NOL4L: variants seen among roughly 807,000 people sequenced by gnomAD.
The protein encoded by NOL4L is nucleolar protein 4 like.
NOL4L carries 7 observed loss-of-function variants against 64.5 expected under a neutral mutation model. The ratio of observed to expected loss-of-function variants is 0.11; its 90% CI spans 0.06 to 0.20. The LOEUF (loss-of-function observed/expected upper bound fraction) is 0.20, where lower values mean the gene tolerates loss of function less well. Ranked by LOEUF, NOL4L falls within the 10% of genes least tolerant of loss-of-function variation. The probability of loss-of-function intolerance (pLI) is 1.00; values close to 1 mark genes in which losing one functional copy is unlikely to be tolerated. For synonymous variants in NOL4L, 413 were observed against 401.0 expected (o/e 1.03, Z -0.36); for missense variants, 680 against 967.1 (o/e 0.70, Z 3.94).
chr20:32,524,100 G>A (rs2018042625), intron 2 of NOL4L, among the ~76,000 whole-genome samples: 1 of 152,192 alleles, frequency 6.6e-6, no homozygotes, highest in Non-Finnish European at 1.5e-5. Flanking sequence ...CCCTGGGAGG[G>A]AAAAAGGAAG....
At chr20:32,476,198 G>GACACACACACACACACACACACAC (rs1167969757) in intron 4 of NOL4L, among the ~76,000 whole-genome samples, 9 of 140,978 alleles carry the variant, frequency 6.4e-5, no homozygotes, top group Non-Finnish European at 1.4e-4. Flanking sequence ...CACCCGGAGG[G>GACACACACACACACACACACACAC]ACACACACAC....
In NOL4L at chr20:32,464,797, CTTTA is replaced by C. The variant is rs938358530; in HGVS notation, c.842-8406_842-8403del. The C allele has an allele frequency of 2.8e-5, 11 of 397,758 alleles. No homozygotes were observed. Among genetic ancestry groups the C allele is most frequent in the Non-Finnish European group, 4.5e-5 (10 of 224,666 alleles). The allele number at this position is 397,758 out of a possible 1,614,324, so 24.6% of individuals were successfully genotyped here. Reference sequence around the variant, plus strand: ...AGGTGAAATCAATTTTAATAATCTACTTTATTTAACCCAATATATCCAAAATAGT... The same window carrying C: ...AGGTGAAATCAATTTTAATAATCTACTTTAACCCAATATATCCAAAATAGT... On this transcript the variant is annotated intron_variant, in intron 5 of 10. Coordinates refer to ENST00000621426, the MANE Select transcript of NOL4L (RefSeq NM_001256798.2). This position sits in a 1 kb window ranked among gnomAD's most constrained non-coding sequence, Gnocchi z 5.6.
chr20:32,566,669 G>A (rs151218479), intron 1 of NOL4L, among the ~76,000 whole-genome samples: 2 of 152,050 alleles, frequency 1.3e-5, no homozygotes, highest in East Asian at 1.9e-4. Context: ...TTGCTCCTAC[G>A]GGGCTCTGCT....
chr20:32,479,063 A>G (rs931759825), intron 4 of NOL4L, among the ~76,000 whole-genome samples: 11 of 152,360 alleles, frequency 7.2e-5, no homozygotes, highest in African/African-American at 2.6e-4. Context: ...GGCGCAGCAC[A>G]GCCCAGTTCA....
intron 5 of NOL4L, among the ~76,000 whole-genome samples, chr20:32,458,888 C>G (rs1398432418): frequency 5.3e-5 from 8 of 152,372 alleles, no homozygotes; most frequent in African/African-American, 1.9e-4. Context: ...TGGACTTGCC[C>G]TCCGCCACTG....
At chr20:32,534,148 C>T (rs934232625) in intron 1 of NOL4L, among the ~76,000 whole-genome samples, 16 of 152,188 alleles carry the variant, frequency 1.1e-4, no homozygotes, top group Non-Finnish European at 1.9e-4. Flanking sequence ...CCAGCAACGA[C>T]GAGGCCATGG....
chr20:32,540,082 T>C (rs905345117), intron 1 of NOL4L, among the ~76,000 whole-genome samples: 1 of 152,200 alleles, frequency 6.6e-6, no homozygotes. Context: ...TGAACATTTT[T>C]TTCCATTTGC....
chr20:32,537,107 A>G (rs537168046), intron 1 of NOL4L: 226 of 984,924 alleles, frequency 2.3e-4, no homozygotes, highest in Admixed American at 8.0e-4. Flanking sequence ...GGGCGGTACC[A>G]TTCGATCTTG....
At chr20:32,551,378 AATCATCATCATCATCATC>A (rs58444321) in intron 1 of NOL4L, among the ~76,000 whole-genome samples, 1 of 149,540 alleles carries the variant, frequency 6.7e-6, no homozygotes, top group Non-Finnish European at 1.5e-5. Flanking sequence ...TCGGTCTCAA[AATCATCATCATCATCATC>A]ATCATCATCA....
chr20:32,513,227 G>T (rs2017488089), intron 3 of NOL4L, among the ~76,000 whole-genome samples: 1 of 152,162 alleles, frequency 6.6e-6, no homozygotes, highest in Admixed American at 6.5e-5. Flanking sequence ...GGGTGACAGG[G>T]CCGAGGTCCA....
At position 32,496,400 on chromosome 20, in the gene NOL4L, G is replaced by C. The variant is rs369025836; in HGVS notation, c.699+14947C>G. Reference sequence around the variant, plus strand: ...CTCCTTTTGCATATTTTTTTATATTGCCTTGTTTATCATCTCCAGGCCTGT... The same window carrying C: ...CTCCTTTTGCATATTTTTTTATATTCCCTTGTTTATCATCTCCAGGCCTGT... On this transcript the variant is annotated intron_variant, in intron 4 of 10. Coordinates refer to ENST00000621426, the MANE Select transcript of NOL4L (RefSeq NM_001256798.2). 4.2e-4 allele frequency among the ~76,000 whole-genome samples: 64 copies of C among 151,940 alleles called. 1 individual carries two copies. Among genetic ancestry groups the C allele is most frequent in the African/African-American group, 1.4e-3 (60 of 41,422 alleles).
At chr20:32,584,133 G>GCGCACACACACA (rs1555811186) in intron 1 of NOL4L, among the ~76,000 whole-genome samples, 7 of 88,822 alleles carry the variant, frequency 7.9e-5, no homozygotes, top group African/African-American at 2.1e-4. Flanking sequence ...CTCCGCGCGC[G>GCGCACACACACA]CACACACACA....
At chr20:32,577,282 G>A (rs998246285) in intron 1 of NOL4L, among the ~76,000 whole-genome samples, 5 of 152,160 alleles carry the variant, frequency 3.3e-5, no homozygotes, top group Admixed American at 6.5e-5. Context: ...GGGCGGGGGT[G>A]GCGTCCATAC....
At chr20:32,563,330 G>C (rs1281525859) in intron 1 of NOL4L, among the ~76,000 whole-genome samples, 1 of 148,964 alleles carries the variant, frequency 6.7e-6, no homozygotes, top group Non-Finnish European at 1.5e-5. Flanking sequence ...GAAGGGGAGG[G>C]AGGGAGCGAG....
At chr20:32,531,878 A>G (rs544998810) in intron 1 of NOL4L, among the ~76,000 whole-genome samples, 1 of 152,260 alleles carries the variant, frequency 6.6e-6, no homozygotes, top group Admixed American at 6.5e-5. Context: ...CCCATGACAA[A>G]ATGTGTCCCC....
chr20:32,456,106 A>G lies in NOL4L; in HGVS notation c.1119+12T>C, dbSNP rs750296751. ...ACAGAAAGAAATGGACTCAGCCCCC[A>G]GCCCCACACACCTCGGGGGTGGTCT... is the stretch of plus-strand genomic sequence containing the variant. On this transcript the variant is annotated intron_variant, in intron 6 of 10. Transcript: ENST00000621426. 4 of 1,489,496 alleles carry G rather than the reference A, an allele frequency of 2.7e-6. No individual in the cohort carries two copies. Among genetic ancestry groups the G allele is most frequent in the African/African-American group, 1.4e-5 (1 of 70,390 alleles). 92.3% of individuals were successfully genotyped at this position (1,489,496 alleles called of 1,614,324 possible).
chr20:32,528,778 AG>A (rs2018238389), intron 1 of NOL4L, among the ~76,000 whole-genome samples: 2 of 152,352 alleles, frequency 1.3e-5, no homozygotes, highest in South Asian at 2.1e-4. Context: ...AGTCCTCACA[AG>A]GGAGATACAC....
At chr20:32,516,376 C>T (rs552616770) in intron 3 of NOL4L, among the ~76,000 whole-genome samples, 5 of 152,018 alleles carry the variant, frequency 3.3e-5, no homozygotes, top group South Asian at 2.1e-4. Context: ...GGGTGGGGAA[C>T]GTGAGGAAAC....
chr20:32,444,593 G>C lies in NOL4L; in HGVS notation c.*3003C>G, dbSNP rs933088250. 1 of 152,158 alleles carries C rather than the reference G, an allele frequency of 6.6e-6. No homozygotes were observed. The highest frequency in any genetic ancestry group is 2.4e-5 in the African/African-American group (1 of 41,422). 9.4% of individuals were successfully genotyped at this position (152,158 alleles called of 1,614,324 possible). On this transcript the variant is annotated 3_prime_UTR_variant, in exon 11 of 11. Transcript: ENST00000621426. ...AGTGGTGACGGTAAAATGAATTTCA[G>C]ATGGGTTACACACACTATCACTTGT...
Sources: allele counts gnomAD v4.1 joint callset (sites outside exome capture counted in the v4.1 genomes callset), GRCh38; gene constraint gnomAD v4.1.1; non-coding constraint Gnocchi (gnomAD v3.1); transcripts MANE v1.5; gene names NCBI Gene and HGNC (gene_info 2026-07-23, HGNC 2026-07-21).